TCERG1L: variants seen among roughly 807,000 people sequenced by gnomAD.
TCERG1L encodes transcription elongation regulator 1-like protein.
TCERG1L carries 37 observed loss-of-function variants against 56.3 expected under a neutral mutation model. The ratio of observed to expected loss-of-function variants is 0.66; its 90% CI spans 0.51 to 0.87. TCERG1L has a LOEUF of 0.87. Ranked by LOEUF, TCERG1L falls within the 40% of genes least tolerant of loss-of-function variation. The probability of loss-of-function intolerance (pLI) is 0.00; values close to 1 mark genes in which losing one functional copy is unlikely to be tolerated. For synonymous variants in TCERG1L, 324 were observed against 326.3 expected (o/e 0.99, Z 0.08); for missense variants, 799 against 774.2 (o/e 1.03, Z -0.38).
chr10:131,207,414 G>A (rs893087990), intron 4 of TCERG1L, among the ~76,000 whole-genome samples: 1 of 152,204 alleles, frequency 6.6e-6, no homozygotes, highest in South Asian at 2.1e-4. Context: ...GTGATGCAGG[G>A]CAGAGTTCAA....
chr10:131,180,295 C>T (rs1332339346), intron 4 of TCERG1L, among the ~76,000 whole-genome samples: 10 of 152,302 alleles, frequency 6.6e-5, no homozygotes, highest in South Asian at 2.1e-4. Flanking sequence ...AGACAGGCAA[C>T]GCAGGAGCGA....
At position 131,166,774 on chromosome 10, in the gene TCERG1L, C is replaced by T. The variant is rs754802786; in HGVS notation, c.945+23G>A. 8.7e-6 allele frequency: 14 copies of T among 1,611,680 alleles called. 1 individual carries two copies. The South Asian group carries it at 1.3e-4, about 15-fold the overall frequency. Reference sequence around the variant, plus strand: ...CACCCAGGGTTTTGTGTCTTTAACACACACACGAGCCCCGAAACTGACCTT... The same window carrying T: ...CACCCAGGGTTTTGTGTCTTTAACATACACACGAGCCCCGAAACTGACCTT... On this transcript the variant is annotated intron_variant, in intron 5 of 11. Coordinates refer to ENST00000368642, the MANE Select transcript of TCERG1L (RefSeq NM_174937.4).
chr10:131,093,085 G>A lies in TCERG1L; in HGVS notation c.*77C>T. 3 of 1,519,864 alleles carry A rather than the reference G, an allele frequency of 2.0e-6. No individual in the cohort carries two copies. The highest frequency in any genetic ancestry group is 2.0e-5 in the Admixed American group (1 of 51,226). The allele number at this position is 1,519,864 out of a possible 1,614,324, so 94.1% of individuals were successfully genotyped here. On this transcript the variant is annotated 3_prime_UTR_variant, in exon 12 of 12. Coordinates refer to ENST00000368642, the MANE Select transcript of TCERG1L (RefSeq NM_174937.4). ...CAGGTCTCGGCCGCCCCACGCCCGTGTCCGTCTCCACCGTGACCCCCTCGC... is the reference window on the plus strand; with the variant it reads ...CAGGTCTCGGCCGCCCCACGCCCGTATCCGTCTCCACCGTGACCCCCTCGC...
At chr10:131,213,782 C>G (rs1845641020) in intron 4 of TCERG1L, among the ~76,000 whole-genome samples, 1 of 152,228 alleles carries the variant, frequency 6.6e-6, no homozygotes, top group Admixed American at 6.5e-5. Context: ...AGGCAAGAAT[C>G]CCCTCAACCT....
intron 4 of TCERG1L, among the ~76,000 whole-genome samples, chr10:131,257,186 C>A (rs937298375): frequency 3.3e-5 from 5 of 152,042 alleles, no homozygotes; most frequent in Non-Finnish European, 5.9e-5. Context: ...GCAGGCAGGG[C>A]GGGGATGGAA....
intron 4 of TCERG1L, among the ~76,000 whole-genome samples, chr10:131,211,473 A>G (rs1373868834): frequency 3.3e-5 from 5 of 152,216 alleles, no homozygotes; most frequent in Non-Finnish European, 7.3e-5. Flanking sequence ...TAGATGTGCT[A>G]GAACCCCTTC....
chr10:131,311,571 C>T lies in TCERG1L; in HGVS notation c.65G>A (p.Arg22Gln). The T allele has an allele frequency of 8.6e-7, 1 of 1,157,316 alleles. No individual in the cohort carries two copies. The highest frequency in any genetic ancestry group is 1.6e-5 in the African/African-American group (1 of 60,924). The allele number at this position is 1,157,316 out of a possible 1,614,324, so 71.7% of individuals were successfully genotyped here. A position where few individuals can be genotyped will look rare whatever the true frequency, so the allele number is the denominator to read the frequency against. ...RQLQQQQPRR[R>Q]QPLLWPMDAE... ...GTCCATCGGCCAGAGGAGAGGCTGC[C>T]GCCGCCGGGGCTGCTGCTGCTGCAG... The change falls in exon 1 of 12, where the codon CGG becomes CAG. Residue 22 changes from arginine (R) to glutamine (Q), a missense_variant. By Grantham distance (43) the Arg-to-Gln change is conservative. Transcript: ENST00000368642. This position sits in a 1 kb window ranked among gnomAD's most constrained non-coding sequence, Gnocchi z 4.0.
intron 4 of TCERG1L, among the ~76,000 whole-genome samples, chr10:131,258,264 C>A (rs954821611): frequency 6.6e-6 from 1 of 152,264 alleles, no homozygotes; most frequent in African/African-American, 2.4e-5. Context: ...GTTTAGAAAA[C>A]AGCCCGAATG....
chr10:131,093,391 A>G (rs1845202673), intron 11 of TCERG1L, 73 bp from the exon 12 acceptor site: 2 of 1,552,996 alleles, frequency 1.3e-6, no homozygotes, highest in Non-Finnish European at 1.7e-6. Context: ...CTGCAGCGGC[A>G]CCGCCTGAGC....
At chr10:131,226,266 G>A (rs752689732) in intron 4 of TCERG1L, among the ~76,000 whole-genome samples, 3 of 151,920 alleles carry the variant, frequency 2.0e-5, no homozygotes, top group East Asian at 1.9e-4. Flanking sequence ...TTTTAGAGAC[G>A]AAGTGTCACT....
chr10:131,199,852 G>A (rs1267954627), intron 4 of TCERG1L, among the ~76,000 whole-genome samples: 8 of 152,108 alleles, frequency 5.3e-5, no homozygotes, highest in Admixed American at 4.6e-4. Context: ...GTTCTCTTTC[G>A]CCTTTAAACA....
intron 4 of TCERG1L, among the ~76,000 whole-genome samples, chr10:131,237,413 T>A (rs191021183): frequency 6.6e-6 from 1 of 152,174 alleles, no homozygotes; most frequent in Non-Finnish European, 1.5e-5. Flanking sequence ...ACCTCAGAGA[T>A]TTTTGTTTCT....
intron 3 of TCERG1L, among the ~76,000 whole-genome samples, chr10:131,269,243 G>A (rs1212833016): frequency 5.3e-5 from 8 of 152,274 alleles, no homozygotes; most frequent in African/African-American, 1.9e-4. Flanking sequence ...TTGGAGTGCA[G>A]TGGCATGATC....
chr10:131,226,778 A>C lies in TCERG1L; in HGVS notation c.856+33481T>G, dbSNP rs186724169. Among the ~76,000 whole-genome samples, 45 of 152,398 alleles carry C rather than the reference A, an allele frequency of 3.0e-4. 1 individual carries two copies. The East Asian group carries it at 7.1e-3, about 24-fold the overall frequency. On this transcript the variant is annotated intron_variant, in intron 4 of 11. Coordinates refer to ENST00000368642, the MANE Select transcript of TCERG1L (RefSeq NM_174937.4). Reference sequence around the variant, plus strand: ...ACCAACAAAAACTGGGTTCATTTGGAACAAAACGGGATCCTGTTCTTGCCT... The same window carrying C: ...ACCAACAAAAACTGGGTTCATTTGGCACAAAACGGGATCCTGTTCTTGCCT...
At chr10:131,204,506 A>G (rs1845494331) in intron 4 of TCERG1L, among the ~76,000 whole-genome samples, 1 of 151,008 alleles carries the variant, frequency 6.6e-6, no homozygotes, top group South Asian at 2.1e-4. Flanking sequence ...TGTCAAAGCC[A>G]TTTCCCATGT....
At position 131,192,221 on chromosome 10, in the gene TCERG1L, AAC is replaced by A. The variant is rs1416457857; in HGVS notation, c.857-25338_857-25337del. Among the ~76,000 whole-genome samples the A allele has an allele frequency of 3.7e-5, 5 of 133,880 alleles. 1 individual carries two copies. The highest frequency in any genetic ancestry group is 1.5e-4 in the African/African-American group (5 of 34,204). 87.8% of individuals were successfully genotyped at this position (133,880 alleles called of 152,430 possible). A position where few individuals can be genotyped will look rare whatever the true frequency, so the allele number is the denominator to read the frequency against. ...CATTAAAAGGTGGGCAAAAAACATG[AAC>A]AGACATTTCTCAAAAGAAGATATAC... On this transcript the variant is annotated intron_variant, in intron 4 of 11. Transcript: ENST00000368642.
At chr10:131,240,316 A>C (rs1457397243) in intron 4 of TCERG1L, among the ~76,000 whole-genome samples, 2 of 152,170 alleles carry the variant, frequency 1.3e-5, no homozygotes, top group Admixed American at 1.3e-4. Flanking sequence ...CGGAACTCAG[A>C]ATGGTCCCTC....
intron 3 of TCERG1L, among the ~76,000 whole-genome samples, chr10:131,280,823 G>T (rs1190438007): frequency 6.6e-6 from 1 of 152,108 alleles, no homozygotes; most frequent in Non-Finnish European, 1.5e-5. Context: ...ACAGCTCTGA[G>T]CCTGCACCAG....
At chr10:131,135,590 A>G (rs1040163924) in intron 7 of TCERG1L, among the ~76,000 whole-genome samples, 2 of 152,094 alleles carry the variant, frequency 1.3e-5, no homozygotes, top group Non-Finnish European at 2.9e-5. Flanking sequence ...TGGTAAGAGG[A>G]GAGGGTCAGG....
Sources: gnomAD v4.1 joint callset for allele counts (sites outside exome capture counted in the v4.1 genomes callset) on GRCh38, gnomAD v4.1.1 for gene constraint, Gnocchi (gnomAD v3.1) non-coding constraint, MANE v1.5 for transcripts, NCBI Gene and HGNC (gene_info 2026-07-23, HGNC 2026-07-21) for gene names.